NCF2: variants seen among roughly 807,000 people sequenced by gnomAD.
The protein encoded by NCF2 is neutrophil cytosolic factor 2, also known as neutrophil cytosol factor 2.
NCF2 carries 45 observed loss-of-function variants against 70.9 expected under a neutral mutation model. The ratio of observed to expected loss-of-function variants is 0.63; its 90% CI spans 0.50 to 0.81. The LOEUF (loss-of-function observed/expected upper bound fraction) is 0.81, where lower values mean the gene tolerates loss of function less well. Among genes scored for constraint, NCF2 ranks in the 40% least tolerant of loss-of-function variants. NCF2 has a pLI of 0.00. For missense variants in NCF2, 522 were observed against 631.6 expected, an observed-to-expected ratio of 0.83 and a Z score of 1.86; for synonymous variants, 203 against 233.6, an observed-to-expected ratio of 0.87 and a Z score of 1.19.
chr1:183,599,483 T>TTTCTTTC, the NCF2 span, among the ~76,000 whole-genome samples: 84 of 72,226 alleles, frequency 1.2e-3, no homozygotes, highest in Middle Eastern at 5.7e-3. Context: ...TCTTTCTTTC[T>TTTCTTTC]CTTTTCTTTC....
At chr1:183,571,949 G>A (rs896579588) in intron 5 of NCF2, among the ~76,000 whole-genome samples, 2 of 152,116 alleles carry the variant, frequency 1.3e-5, no homozygotes, top group South Asian at 2.1e-4. Context: ...TTATGGCTAC[G>A]TAGTATTCTG....
rs789191 is a variant in NCF2, at chr1:183,586,744, G to A, written c.257+151C>T. 0.045 allele frequency: 33,220 copies of A among 731,832 alleles called. 2,808 individuals are homozygous for A. Among genetic ancestry groups the A allele is most frequent in the African/African-American group, 0.3 (16,984 of 57,390 alleles). 45.3% of individuals were successfully genotyped at this position (731,832 alleles called of 1,614,324 possible). A position where few individuals can be genotyped will look rare whatever the true frequency, so the allele number is the denominator to read the frequency against. ...CCCAGTGAGAGCTTCTGCCTCACCT[G>A]CTGATTTATTGCATAACTGTCCCCA... On this transcript the variant is annotated intron_variant, in intron 2 of 14. Coordinates refer to ENST00000367535, the MANE Select transcript of NCF2 (RefSeq NM_000433.4).
intron 2 of NCF2, among the ~76,000 whole-genome samples, chr1:183,579,132 C>T (rs1169664724): frequency 6.6e-6 from 1 of 152,186 alleles, no homozygotes; most frequent in Non-Finnish European, 1.5e-5. Flanking sequence ...CCTCAAGAGG[C>T]AGTGTGATGT....
intron 2 of NCF2, among the ~76,000 whole-genome samples, chr1:183,581,026 A>G (rs1452241875): frequency 1.3e-5 from 2 of 150,946 alleles, no homozygotes; most frequent in African/African-American, 4.9e-5. Flanking sequence ...TAGGAGAGAG[A>G]GAGAAAGAAC....
chr1:183,565,887 A>C, intron 9 of NCF2, 108 bp from the exon 10 acceptor site: 4 of 1,078,510 alleles, frequency 3.7e-6, no homozygotes, highest in Non-Finnish European at 5.6e-6. Context: ...AGCCACATGC[A>C]GATAACGTCC....
chr1:183,583,345 T>C (rs1337628858), intron 2 of NCF2, among the ~76,000 whole-genome samples: 1 of 152,168 alleles, frequency 6.6e-6, no homozygotes, highest in Non-Finnish European at 1.5e-5. Context: ...TGAGCCACTG[T>C]GCCCAGCCAA....
intron 1 of NCF2, among the ~76,000 whole-genome samples, chr1:183,587,862 T>C (rs1349973392): frequency 6.6e-6 from 1 of 152,244 alleles, no homozygotes; most frequent in East Asian, 1.9e-4. Flanking sequence ...AAAAAATACA[T>C]ATCTATATTT....
intron 11 of NCF2, 91 bp from the exon 12 acceptor site, chr1:183,563,676 G>T: frequency 6.6e-7 from 1 of 1,524,194 alleles, no homozygotes; most frequent in Non-Finnish European, 9.0e-7. Flanking sequence ...TTGGCACAGG[G>T]GGTACCCAAT....
chr1:183,588,743 G>A (rs993215918), intron 1 of NCF2, among the ~76,000 whole-genome samples: 2 of 152,192 alleles, frequency 1.3e-5, no homozygotes, highest in African/African-American at 2.4e-5. Context: ...GGAAAACAAA[G>A]AAAGGCAGAA....
At chr1:183,586,074 C>T (rs1281431114) in intron 2 of NCF2, among the ~76,000 whole-genome samples, 1 of 152,246 alleles carries the variant, frequency 6.6e-6, no homozygotes, top group East Asian at 1.9e-4. Flanking sequence ...GTGGCACATG[C>T]CTGTAATCCC....
chr1:183,561,777 CTCTTTTTTTTTTTTTTT>C (rs1301033526), intron 13 of NCF2, among the ~76,000 whole-genome samples: 2 of 110,490 alleles, frequency 1.8e-5, no homozygotes, highest in South Asian at 2.8e-4. Context: ...CATACCAGGC[CTCTTTTTTTTTTTTTTT>C]TTTTTTTTTT....
At chr1:183,589,124 C>T (rs1673517716) in intron 1 of NCF2, among the ~76,000 whole-genome samples, 2 of 152,170 alleles carry the variant, frequency 1.3e-5, no homozygotes, top group Admixed American at 1.3e-4. Flanking sequence ...ACATTTCAGT[C>T]ACTTCTCTGT....
At chr1:183,575,765 C>A (rs574021024) in intron 3 of NCF2, among the ~76,000 whole-genome samples, 1 of 152,146 alleles carries the variant, frequency 6.6e-6, no homozygotes, top group Admixed American at 6.5e-5. Flanking sequence ...GTTCATGTAG[C>A]GAAGAACTGA....
chr1:183,563,592 G>T lies in NCF2; in HGVS notation c.1027-7C>A. On this transcript the variant is annotated splice_region_variant and splice_polypyrimidine_tract_variant and intron_variant, in intron 11 of 14. Transcript: ENST00000367535. ...GAACACTGAGCTTCACTTCCTGAGT[G>T]GGGAGGAAACAAAGGGAACTCCTGA... 1.2e-6 allele frequency: 2 copies of T among 1,613,044 alleles called. No individual in the cohort carries two copies. Among genetic ancestry groups the T allele is most frequent in the Non-Finnish European group, 1.7e-6 (2 of 1,180,000 alleles).
chr1:183,599,453 T>TCTTTCTTTC, the NCF2 span, among the ~76,000 whole-genome samples: 27 of 103,128 alleles, frequency 2.6e-4, no homozygotes, highest in East Asian at 2.5e-3. Context: ...TTTCTTTCTT[T>TCTTTCTTTC]CTTTCTTTCT....
the NCF2 span, chr1:183,598,261 G>A: frequency 6.6e-6 from 1 of 152,204 alleles, no homozygotes. Context: ...GCTGTAATTA[G>A]TTTTGTTGTA....
At chr1:183,577,082 T>C (rs1373246341) in intron 3 of NCF2, among the ~76,000 whole-genome samples, 2 of 152,194 alleles carry the variant, frequency 1.3e-5, no homozygotes, top group African/African-American at 4.8e-5. Context: ...TGCCAAATTA[T>C]CCTCAGTCTC....
chr1:183,580,202 T>G (rs1672996942), intron 2 of NCF2, among the ~76,000 whole-genome samples: 1 of 152,210 alleles, frequency 6.6e-6, no homozygotes, highest in Admixed American at 6.5e-5. Context: ...GGAGGATGGC[T>G]TTCTCTAGTA....
At chr1:183,557,602 T>C (rs912801400) in intron 14 of NCF2, among the ~76,000 whole-genome samples, 2 of 152,262 alleles carry the variant, frequency 1.3e-5, no homozygotes, top group Non-Finnish European at 2.9e-5. Context: ...TTCTGTTTTC[T>C]GTTGAAGTGC....
Sources: allele counts gnomAD v4.1 joint callset (sites outside exome capture counted in the v4.1 genomes callset), GRCh38; gene constraint gnomAD v4.1.1; transcripts MANE v1.5; gene names NCBI Gene and HGNC (gene_info 2026-07-23, HGNC 2026-07-21).